The following MSI2 variants were observed in gnomAD, a reference collection of about 807,000 sequenced individuals.
MSI2 encodes the protein musashi RNA binding protein 2.
MSI2 carries 17 observed loss-of-function variants against 45.6 expected under a neutral mutation model. The ratio of observed to expected loss-of-function variants is 0.37; its 90% CI spans 0.26 to 0.56. The LOEUF (loss-of-function observed/expected upper bound fraction) is 0.56. Among genes scored for constraint, MSI2 ranks in the 20% least tolerant of loss-of-function variants. The pLI is 0.77. For synonymous variants in MSI2, 156 were observed against 158.2 expected (o/e 0.99, Z 0.11); for missense variants, 293 against 444.2 (o/e 0.66, Z 3.06).
At position 57,605,572 on chromosome 17, in the gene MSI2, G is replaced by GC. The variant is rs539512324; in HGVS notation, c.537+8629dup. ...AGCATGGAGACCACTAGGAGGGGCT[G>GC]CCCCCCCTTCTCTTCTGCCTCTTCC... On this transcript the variant is annotated intron_variant, in intron 8 of 13. Transcript: ENST00000284073. Among the ~76,000 whole-genome samples the GC allele has an allele frequency of 3.2e-4, 49 of 152,286 alleles. 1 individual carries two copies. In the South Asian group the frequency reaches 7.5e-3, roughly 23 times the overall value.
At chr17:57,321,999 G>A (rs2143674580) in intron 5 of MSI2, among the ~76,000 whole-genome samples, 1 of 152,256 alleles carries the variant, frequency 6.6e-6, no homozygotes, top group South Asian at 2.1e-4. Flanking sequence ...GTTTTCCCAT[G>A]TTGGCCAGGC....
chr17:57,283,651 A>G (rs1909614727), intron 5 of MSI2, among the ~76,000 whole-genome samples: 1 of 152,220 alleles, frequency 6.6e-6, no homozygotes, highest in Admixed American at 6.5e-5. Flanking sequence ...CAAACAAACA[A>G]AAAAACTCGA....
At chr17:57,656,075 C>T (rs1911566901) in intron 11 of MSI2, among the ~76,000 whole-genome samples, 2 of 152,184 alleles carry the variant, frequency 1.3e-5, no homozygotes, top group African/African-American at 4.8e-5. Context: ...GTTGATATTA[C>T]AGGGTCTTTG....
chr17:57,538,782 G>A (rs1033500475), intron 7 of MSI2, among the ~76,000 whole-genome samples: 4 of 152,194 alleles, frequency 2.6e-5, no homozygotes, highest in African/African-American at 7.2e-5. Context: ...TCTTTGAAAG[G>A]ATGCCTGCAA....
Position 57,268,958 on chromosome 17 carries a change from T to C in MSI2, c.312+6766T>C, listed in dbSNP as rs185960804. Among the ~76,000 whole-genome samples the C allele has an allele frequency of 2.5e-3, 388 of 152,316 alleles. 10 individuals are homozygous for C. Among genetic ancestry groups the C allele is most frequent in the Non-Finnish European group, 1.1e-3 (74 of 68,030 alleles). On this transcript the variant is annotated intron_variant, in intron 5 of 13. Coordinates refer to ENST00000284073, the MANE Select transcript of MSI2 (RefSeq NM_138962.4). Reference sequence around the variant, plus strand: ...AAAAATGCCAGAAGAAACACAGTTCTTGTCTTTAAGAACATCATTAGCTCC... The same window carrying C: ...AAAAATGCCAGAAGAAACACAGTTCCTGTCTTTAAGAACATCATTAGCTCC...
intron 6 of MSI2, among the ~76,000 whole-genome samples, chr17:57,445,137 C>T (rs1014074196): frequency 6.6e-6 from 1 of 152,216 alleles, no homozygotes; most frequent in East Asian, 1.9e-4. Context: ...ACCTGCCTGG[C>T]TCCAGAGGAG....
chr17:57,338,867 C>T (rs1410582565), intron 5 of MSI2, among the ~76,000 whole-genome samples: 1 of 152,146 alleles, frequency 6.6e-6, no homozygotes. Context: ...CCCCTGAGTT[C>T]CCCTTTGTCT....
At chr17:57,356,406 G>A (rs1458975440) in intron 5 of MSI2, among the ~76,000 whole-genome samples, 1 of 152,146 alleles carries the variant, frequency 6.6e-6, no homozygotes, top group African/African-American at 2.4e-5. Flanking sequence ...ACTAAGACAA[G>A]TTGTGTTTTG....
At chr17:57,402,500 G>A (rs2084011960) in intron 6 of MSI2, among the ~76,000 whole-genome samples, 1 of 152,186 alleles carries the variant, frequency 6.6e-6, no homozygotes, top group South Asian at 2.1e-4. Flanking sequence ...TTCCTCCCAC[G>A]ATGGGTGTCG....
At chr17:57,338,801 C>G (rs1346269592) in intron 5 of MSI2, among the ~76,000 whole-genome samples, 2 of 152,224 alleles carry the variant, frequency 1.3e-5, no homozygotes, top group Non-Finnish European at 2.9e-5. Context: ...CACGCAGGGA[C>G]TGCCCTGCCT....
intron 6 of MSI2, among the ~76,000 whole-genome samples, chr17:57,436,610 C>A (rs2084695270): frequency 6.6e-6 from 1 of 152,170 alleles, no homozygotes; most frequent in African/African-American, 2.4e-5. Flanking sequence ...GGCAGAGGAG[C>A]CCCTGGGTCT....
intron 6 of MSI2, among the ~76,000 whole-genome samples, chr17:57,518,381 T>C (rs777505457): frequency 6.6e-6 from 1 of 152,150 alleles, no homozygotes; most frequent in African/African-American, 2.4e-5. Context: ...CGAGACTGCA[T>C]TGGCCACAGG....
intron 5 of MSI2, among the ~76,000 whole-genome samples, chr17:57,359,751 G>C (rs979304900): frequency 6.6e-6 from 1 of 152,192 alleles, no homozygotes; most frequent in Non-Finnish European, 1.5e-5. Context: ...AGCCCTTGGT[G>C]ACCCCACTAC....
intron 5 of MSI2, among the ~76,000 whole-genome samples, chr17:57,326,764 G>A (rs1913829540): frequency 6.6e-6 from 1 of 152,234 alleles, no homozygotes; most frequent in South Asian, 2.1e-4. Context: ...AACCAAGGCA[G>A]CTGCTGCTGA....
intron 6 of MSI2, among the ~76,000 whole-genome samples, chr17:57,481,078 A>G (rs1314464755): frequency 6.6e-6 from 1 of 152,200 alleles, no homozygotes. Flanking sequence ...CTCTGGGTTC[A>G]TGGTAATTAC....
chr17:57,647,274 CAA>C (rs33915774), intron 10 of MSI2, among the ~76,000 whole-genome samples: 9,432 of 37,264 alleles, frequency 0.25, 261 homozygotes, highest in East Asian at 0.38. Flanking sequence ...ACTAAAAATA[CAA>C]AAAAAAAAAA....
chr17:57,388,293 C>T (rs79697109), intron 5 of MSI2, among the ~76,000 whole-genome samples: 1 of 152,198 alleles, frequency 6.6e-6, no homozygotes, highest in African/African-American at 2.4e-5. Context: ...GAGGCCAGAT[C>T]AGCATATCTG....
chr17:57,518,371 C>T (rs866804327), intron 6 of MSI2, among the ~76,000 whole-genome samples: 3 of 152,114 alleles, frequency 2.0e-5, no homozygotes, highest in African/African-American at 2.4e-5. Flanking sequence ...TGTCACCATC[C>T]GAGACTGCAT....
chr17:57,683,332 G>T lies in MSI2; in HGVS notation c.*3815G>T. On this transcript the variant is annotated 3_prime_UTR_variant, in exon 14 of 14. Coordinates refer to ENST00000284073, the MANE Select transcript of MSI2 (RefSeq NM_138962.4). The surrounding 1 kb of genome is among the most constrained non-coding windows in gnomAD (Gnocchi z 5.2). ...TTTTGATTTCTTGGGGGTGGGTTTTGCTTGTTGTTCCTTTTCATTTGGGGG... is the reference window on the plus strand; with the variant it reads ...TTTTGATTTCTTGGGGGTGGGTTTTTCTTGTTGTTCCTTTTCATTTGGGGG... 4.3e-6 allele frequency: 1 copy of T among 230,264 alleles called. No homozygotes were observed. The highest frequency in any genetic ancestry group is 1.8e-4 in the South Asian group (1 of 5,476). The allele number at this position is 230,264 out of a possible 1,614,324, so 14.3% of individuals were successfully genotyped here.
Sources: gnomAD v4.1 joint callset for allele counts (sites outside exome capture counted in the v4.1 genomes callset) on GRCh38, gnomAD v4.1.1 for gene constraint, Gnocchi (gnomAD v3.1) non-coding constraint, MANE v1.5 for transcripts, NCBI Gene and HGNC (gene_info 2026-07-23, HGNC 2026-07-21) for gene names.